Variants in SESN3 observed in about 807,000 individuals in gnomAD.
SESN3 encodes sestrin-3.
SESN3 carries 21 observed loss-of-function variants against 55.3 expected under a neutral mutation model. That is an observed-to-expected ratio of 0.38 (90% CI 0.27 to 0.55). SESN3 has a LOEUF of 0.55. Among genes scored for constraint, SESN3 ranks in the 20% least tolerant of loss-of-function variants. The probability of loss-of-function intolerance (pLI) is 0.76; values close to 1 mark genes in which losing one functional copy is unlikely to be tolerated. For synonymous variants in SESN3, 181 were observed against 203.1 expected (o/e 0.89, Z 0.93); for missense variants, 408 against 604.3 (o/e 0.68, Z 3.41).
At chr11:95,176,169 A>G (rs1376796759) in intron 8 of SESN3, among the ~76,000 whole-genome samples, 1 of 152,202 alleles carries the variant, frequency 6.6e-6, no homozygotes, top group Admixed American at 6.5e-5. Flanking sequence ...CACTGGAAGT[A>G]GCTATATGGA....
chr11:95,191,367 G>A (rs1860264734), intron 3 of SESN3, 37 bp downstream of exon 3: 1 of 1,440,608 alleles, frequency 6.9e-7, no homozygotes, highest in Non-Finnish European at 9.8e-7. Flanking sequence ...AATAAGTGAG[G>A]AAGGTGTTAT....
At chr11:95,195,401 TAAACTC>T (rs957252512) in intron 1 of SESN3, among the ~76,000 whole-genome samples, 9 of 152,216 alleles carry the variant, frequency 5.9e-5, no homozygotes, top group African/African-American at 1.9e-4. Flanking sequence ...AGAAGCAACT[TAAACTC>T]AATTTCATTT....
At position 95,173,007 on chromosome 11, in the gene SESN3, C is replaced by T; in HGVS notation, c.*248G>A. On this transcript the variant is annotated 3_prime_UTR_variant, in exon 10 of 10. Coordinates refer to ENST00000536441, the MANE Select transcript of SESN3 (RefSeq NM_144665.4). ...GATTTATGATCAGTATCCAAAACTC[C>T]AACTACAAACAATGCAAAGTAGTGC... 1 of 386,764 alleles carries T rather than the reference C, an allele frequency of 2.6e-6. No homozygotes were observed. Among genetic ancestry groups the T allele is most frequent in the Non-Finnish European group, 4.7e-6 (1 of 212,776 alleles). 24.0% of individuals were successfully genotyped at this position (386,764 alleles called of 1,614,324 possible). A position where few individuals can be genotyped will look rare whatever the true frequency, so the allele number is the denominator to read the frequency against.
intron 9 of SESN3, among the ~76,000 whole-genome samples, chr11:95,174,738 C>T (rs1183050149): frequency 4.6e-5 from 7 of 152,142 alleles, no homozygotes; most frequent in African/African-American, 7.2e-5. Context: ...CCCCCCACCT[C>T]GGCCTCCCAA....
rs1309170158 is a variant in SESN3 at position 95,168,188 on chromosome 11, G to A, written c.*5067C>T. Reference sequence around the variant, plus strand: ...AACACCACCAATAAAACAAATGTCTGGAACACCACCCTATTTGCATACCAG... The same window carrying A: ...AACACCACCAATAAAACAAATGTCTAGAACACCACCCTATTTGCATACCAG... On this transcript the variant is annotated 3_prime_UTR_variant, in exon 10 of 10. Transcript: ENST00000536441. 1 of 152,124 alleles carries A rather than the reference G, an allele frequency of 6.6e-6. No individual in the cohort carries two copies. The highest frequency in any genetic ancestry group is 1.5e-5 in the Non-Finnish European group (1 of 68,032). The allele number at this position is 152,124 out of a possible 1,614,324, so 9.4% of individuals were successfully genotyped here.
chr11:95,178,701 A>G lies in SESN3; in HGVS notation c.1056+9T>C, dbSNP rs771520255. ...GTTCTAGTTTCTCTGAATTAAAGAC[A>G]TATTATACCTGAGCTCGGAATGTTG... On this transcript the variant is annotated intron_variant, in intron 7 of 9. Coordinates refer to ENST00000536441, the MANE Select transcript of SESN3 (RefSeq NM_144665.4). 3.3e-6 allele frequency: 5 copies of G among 1,518,392 alleles called. No homozygotes were observed. The African/African-American group carries it at 6.8e-5, about 21-fold the overall frequency. The allele number at this position is 1,518,392 out of a possible 1,614,324, so 94.1% of individuals were successfully genotyped here. A position where few individuals can be genotyped will look rare whatever the true frequency, so the allele number is the denominator to read the frequency against.
At chr11:95,207,179 C>A (rs975770766) in intron 1 of SESN3, among the ~76,000 whole-genome samples, 2 of 144,278 alleles carry the variant, frequency 1.4e-5, no homozygotes, top group African/African-American at 2.5e-5. Context: ...TCAAAGAAAT[C>A]AACCAACCAA....
chr11:95,177,868 T>C lies in SESN3; in HGVS notation c.1098A>G (p.Arg366=). The C allele has an allele frequency of 6.2e-7, 1 of 1,603,152 alleles. No individual in the cohort carries two copies. The highest frequency in any genetic ancestry group is 1.7e-5 in the Admixed American group (1 of 57,448). Residue 366 remains arginine, a synonymous_variant, in exon 8 of 10, where the codon AGA becomes AGG. Coordinates refer to ENST00000536441, the MANE Select transcript of SESN3 (RefSeq NM_144665.4). ...GAAGATGTCCAATGTCAGAATAAAG[T>C]CTGTTCACCAGGGAGAACCCATGAT... ...WENHGFSLVN[R]LYSDIGHLLD... is the part of the protein sequence containing the mutation.
rs1415924803 is a variant in SESN3, at chr11:95,230,421, G to T, written c.78+362C>A. The T allele has an allele frequency of 9.3e-6, 2 of 214,566 alleles. No homozygotes were observed. The highest frequency in any genetic ancestry group is 1.9e-5 in the Non-Finnish European group (2 of 107,068). The allele number at this position is 214,566 out of a possible 1,614,324, so 13.3% of individuals were successfully genotyped here. On this transcript the variant is annotated intron_variant, in intron 1 of 9. Transcript: ENST00000536441. This position sits in a 1 kb window ranked among gnomAD's most constrained non-coding sequence, Gnocchi z 4.6. Reference sequence around the variant, plus strand: ...GATTTCACACCGACCTCCATCAACAGCTAAACTGCACAGGGAGGAGGATCG... The same window carrying T: ...GATTTCACACCGACCTCCATCAACATCTAAACTGCACAGGGAGGAGGATCG...
chr11:95,184,083 A>G (rs1860114961), intron 6 of SESN3: 1 of 342,356 alleles, frequency 2.9e-6, no homozygotes, highest in East Asian at 4.5e-5. Flanking sequence ...ATCTATTGAA[A>G]CAATATTTCA....
intron 4 of SESN3, among the ~76,000 whole-genome samples, chr11:95,187,271 T>TTGA (rs1433106077): frequency 6.6e-6 from 1 of 151,950 alleles, no homozygotes; most frequent in Admixed American, 6.6e-5. Context: ...TTTATGACTT[T>TTGA]TGATAATACT....
At position 95,172,926 on chromosome 11, in the gene SESN3, TACACATAC is replaced by T. The variant is rs1282071703; in HGVS notation, c.*321_*328del. 1 of 217,666 alleles carries T rather than the reference TACACATAC, an allele frequency of 4.6e-6. No homozygotes were observed. Among genetic ancestry groups the T allele is most frequent in the Non-Finnish European group, 9.0e-6 (1 of 110,688 alleles). The allele number at this position is 217,666 out of a possible 1,614,324, so 13.5% of individuals were successfully genotyped here. A position where few individuals can be genotyped will look rare whatever the true frequency, so the allele number is the denominator to read the frequency against. ...AAGGGCGGGGTGGGGGGAGAAAAAATACACATACACACAACCCAAAGGCGCTGAAGTTA... is the reference window on the plus strand; with the variant it reads ...AAGGGCGGGGTGGGGGGAGAAAAAATACACAACCCAAAGGCGCTGAAGTTA... On this transcript the variant is annotated 3_prime_UTR_variant, in exon 10 of 10. Coordinates refer to ENST00000536441, the MANE Select transcript of SESN3 (RefSeq NM_144665.4).
intron 1 of SESN3, among the ~76,000 whole-genome samples, chr11:95,224,020 A>G (rs1016840044): frequency 1.3e-5 from 2 of 152,070 alleles, no homozygotes; most frequent in African/African-American, 4.8e-5. Context: ...TCCAAAACAT[A>G]AAAAGTGAGA....
chr11:95,180,112 C>T (rs1860032824), intron 6 of SESN3, among the ~76,000 whole-genome samples: 2 of 151,984 alleles, frequency 1.3e-5, no homozygotes, highest in African/African-American at 2.4e-5. Context: ...AATAAAAGAA[C>T]AAACTAGCTA....
In SESN3 at chr11:95,173,694, AT is replaced by A. The variant is rs552291134; in HGVS notation, c.1393-354del. On this transcript the variant is annotated intron_variant, in intron 9 of 9. Transcript: ENST00000536441. ...TTTACATGGCTAAAAATCAGCCCTC[AT>A]TTTTTTTTTTAACAGTTTATGCTTA... Among the ~76,000 whole-genome samples the A allele has an allele frequency of 2.2e-3, 319 of 146,730 alleles. 2 individuals carry two copies. The highest frequency in any genetic ancestry group is 4.6e-3 in the African/African-American group (184 of 40,248).
intron 4 of SESN3, among the ~76,000 whole-genome samples, chr11:95,188,094 T>G (rs1860200142): frequency 6.6e-6 from 1 of 151,762 alleles, no homozygotes; most frequent in Non-Finnish European, 1.5e-5. Context: ...ATCTGTAATT[T>G]ATCTTCTAAA....
intron 3 of SESN3, among the ~76,000 whole-genome samples, chr11:95,191,191 A>C (rs1241950805): frequency 1.3e-5 from 2 of 152,062 alleles, no homozygotes; most frequent in African/African-American, 4.8e-5. Flanking sequence ...TTTTACTGAA[A>C]ATTAAATGAG....
At chr11:95,174,517 T>G (rs1859917647) in intron 9 of SESN3, among the ~76,000 whole-genome samples, 1 of 152,178 alleles carries the variant, frequency 6.6e-6, no homozygotes, top group Non-Finnish European at 1.5e-5. Context: ...GAAGTCTTGC[T>G]CTGTTGCCCA....
At chr11:95,200,514 T>A (rs1181575392) in intron 1 of SESN3, among the ~76,000 whole-genome samples, 1 of 152,046 alleles carries the variant, frequency 6.6e-6, no homozygotes, top group Non-Finnish European at 1.5e-5. Flanking sequence ...TACACCAGCA[T>A]CTCTTCTCTT....
Sources: allele counts gnomAD v4.1 joint callset (sites outside exome capture counted in the v4.1 genomes callset), GRCh38; gene constraint gnomAD v4.1.1; non-coding constraint Gnocchi (gnomAD v3.1); transcripts MANE v1.5; gene names NCBI Gene and HGNC (gene_info 2026-07-23, HGNC 2026-07-21).